The following LUC7L2 variants were observed in gnomAD, a reference collection of about 807,000 sequenced individuals.
LUC7L2 encodes putative RNA-binding protein Luc7-like 2.
In LUC7L2, 25 loss-of-function variants were observed where a neutral mutation model predicts 52.8. The ratio of observed to expected loss-of-function variants is 0.47; its 90% CI spans 0.34 to 0.66. LUC7L2 has a LOEUF of 0.66. LUC7L2 is among the 30% of genes least tolerant of loss of function. The pLI is 0.01. For synonymous variants in LUC7L2, 144 were observed against 160.9 expected, an observed-to-expected ratio of 0.89 and a Z score of 0.80; for missense variants, 328 against 497.8, an observed-to-expected ratio of 0.66 and a Z score of 3.25.
intron 1 of LUC7L2, among the ~76,000 whole-genome samples, chr7:139,347,757 G>A (rs1482739305): frequency 2.0e-5 from 3 of 152,136 alleles, no homozygotes; most frequent in Non-Finnish European, 2.9e-5. Context: ...TGTTGCCCAG[G>A]CTGGAATACA....
intron 2 of LUC7L2, among the ~76,000 whole-genome samples, chr7:139,390,215 G>GTCTCTCTCTC (rs5887929): frequency 5.4e-5 from 8 of 148,728 alleles, no homozygotes; most frequent in African/African-American, 1.2e-4. Flanking sequence ...CCAGTGCCCA[G>GTCTCTCTCTC]TCTCTCTCTC....
rs115662596 is a variant in LUC7L2, at chr7:139,384,463, A to G, written c.156+8307A>G. Among the ~76,000 whole-genome samples, 380 of 152,224 alleles carry G rather than the reference A, an allele frequency of 2.5e-3. 3 individuals carry two copies. Among genetic ancestry groups the G allele is most frequent in the African/African-American group, 8.7e-3 (361 of 41,538 alleles). ...AAATTTAGGTTTGAAGTGTGTTCTT[A>G]TTTTAAGCAGATTTGCTGTATTTTA... On this transcript the variant is annotated intron_variant, in intron 2 of 9. Coordinates refer to ENST00000354926, the MANE Select transcript of LUC7L2 (RefSeq NM_016019.5).
chr7:139,358,987 T>C (rs951958111), upstream of LUC7L2: 1 of 152,322 alleles, frequency 6.6e-6, no homozygotes. Flanking sequence ...GGCAAGGAAT[T>C]AATATTTTAC....
At chr7:139,365,968 T>G (rs1370041752) in intron 1 of LUC7L2, among the ~76,000 whole-genome samples, 1 of 152,184 alleles carries the variant, frequency 6.6e-6, no homozygotes, top group East Asian at 1.9e-4. Flanking sequence ...CCAAAATAGG[T>G]CAGTTGTTCA....
chr7:139,390,180 G>A (rs1203162151), intron 2 of LUC7L2, among the ~76,000 whole-genome samples: 2 of 151,822 alleles, frequency 1.3e-5, no homozygotes, highest in African/African-American at 4.8e-5. Context: ...ATAATACGAG[G>A]TAAAGAGAGG....
chr7:139,390,251 T>C (rs1414692681), intron 2 of LUC7L2, among the ~76,000 whole-genome samples: 2 of 143,664 alleles, frequency 1.4e-5, no homozygotes, highest in Non-Finnish European at 3.1e-5. Flanking sequence ...TTTTTTCTTA[T>C]TTTTTTTTTT....
chr7:139,410,384 A>G (rs1795310541), intron 7 of LUC7L2, among the ~76,000 whole-genome samples: 1 of 152,134 alleles, frequency 6.6e-6, no homozygotes, highest in African/African-American at 2.4e-5. Context: ...AACTTTGGTT[A>G]GTTCCTCAAT....
At chr7:139,371,379 T>C in intron 1 of LUC7L2, 1 of 935,760 alleles carries the variant, frequency 1.1e-6, no homozygotes, top group Non-Finnish European at 1.7e-6. Context: ...CAGTTCACTT[T>C]TGCTTAGCCT....
At chr7:139,380,774 A>G (rs577158127) in intron 2 of LUC7L2, among the ~76,000 whole-genome samples, 474 of 152,168 alleles carry the variant, frequency 3.1e-3, no homozygotes, top group South Asian at 5.4e-3. Flanking sequence ...CCAAGCTGTC[A>G]TTTTTTTCCT....
chr7:139,393,032 C>T (rs564966097), intron 2 of LUC7L2, among the ~76,000 whole-genome samples: 8 of 151,808 alleles, frequency 5.3e-5, no homozygotes, highest in Non-Finnish European at 4.4e-5. Context: ...TTTGGGAGGC[C>T]GAGGCGGTTG....
At chr7:139,410,379 T>C (rs910109681) in intron 7 of LUC7L2, among the ~76,000 whole-genome samples, 3 of 152,184 alleles carry the variant, frequency 2.0e-5, no homozygotes, top group African/African-American at 4.8e-5. Context: ...CATTGAACTT[T>C]GGTTAGTTCC....
intron 1 of LUC7L2, among the ~76,000 whole-genome samples, chr7:139,353,796 A>C (rs1345167280): frequency 1.3e-5 from 2 of 151,760 alleles, no homozygotes. Context: ...CATCTCAAAA[A>C]AACCCAAAAA....
At position 139,423,265 on chromosome 7, in the gene LUC7L2, C is replaced by T; in HGVS notation, c.*925C>T. On this transcript the variant is annotated 3_prime_UTR_variant, in exon 10 of 10. Coordinates refer to ENST00000354926, the MANE Select transcript of LUC7L2 (RefSeq NM_016019.5). ...AACAGTGCCTTACTGTGCAAGGCAC[C>T]AAAGGACATAAATACGTACTTGCAA... is the stretch of plus-strand genomic sequence containing the variant. The T allele has an allele frequency of 2.5e-6, 1 of 398,948 alleles. No homozygotes were observed. The highest frequency in any genetic ancestry group is 4.4e-6 in the Non-Finnish European group (1 of 226,068). 24.7% of individuals were successfully genotyped at this position (398,948 alleles called of 1,614,324 possible). A position where few individuals can be genotyped will look rare whatever the true frequency, so the allele number is the denominator to read the frequency against.
At chr7:139,350,511 T>C (rs1799420418) in intron 1 of LUC7L2, among the ~76,000 whole-genome samples, 1 of 151,960 alleles carries the variant, frequency 6.6e-6, no homozygotes, top group Non-Finnish European at 1.5e-5. Flanking sequence ...TGCAGTCTGG[T>C]TTCCGCCCCT....
At chr7:139,340,539 T>A in intron 1 of LUC7L2, 1 of 398,398 alleles carries the variant, frequency 2.5e-6, no homozygotes, top group South Asian at 1.3e-4. Context: ...GGCGCGGTGA[T>A]GTGGACTTTT....
At chr7:139,398,181 C>T (rs1794741828) in intron 2 of LUC7L2, among the ~76,000 whole-genome samples, 1 of 152,104 alleles carries the variant, frequency 6.6e-6, no homozygotes, top group African/African-American at 2.4e-5. Context: ...TTTGAGGACT[C>T]CATCTTTATT....
At position 139,376,058 on chromosome 7, in the gene LUC7L2, A is replaced by G. The variant is rs1800693267; in HGVS notation, c.62-4A>G. The G allele has an allele frequency of 6.2e-7, 1 of 1,613,464 alleles. No individual in the cohort carries two copies. On this transcript the variant is annotated splice_region_variant and splice_polypyrimidine_tract_variant and intron_variant, in intron 1 of 9. Coordinates refer to ENST00000354926, the MANE Select transcript of LUC7L2 (RefSeq NM_016019.5). ...TGAATGTTATTAACTCTTCTATATT[A>G]CAGGAGATACAACTCGTCAACGAAT...
At chr7:139,341,707 A>G (rs1798980939) in intron 1 of LUC7L2, among the ~76,000 whole-genome samples, 1 of 151,862 alleles carries the variant, frequency 6.6e-6, no homozygotes, top group South Asian at 2.1e-4. Flanking sequence ...TCGGGGACCA[A>G]AGGACCAGCG....
upstream of LUC7L2, chr7:139,359,456 A>ATCT (rs1799737318): frequency 5.7e-6 from 1 of 175,710 alleles, no homozygotes; most frequent in South Asian, 2.0e-4. Context: ...GCGCACGAGA[A>ATCT]CCAGGACGCG....
Sources: allele counts gnomAD v4.1 joint callset (sites outside exome capture counted in the v4.1 genomes callset), GRCh38; gene constraint gnomAD v4.1.1; transcripts MANE v1.5; gene names NCBI Gene and HGNC (gene_info 2026-07-23, HGNC 2026-07-21).